Variants in ADGRV1 observed in about 807,000 individuals in gnomAD.
ADGRV1 encodes adhesion G protein-coupled receptor V1, also known as G-protein coupled receptor 98.
Under a neutral mutation model 596.2 loss-of-function variants are expected in ADGRV1, and 359 were observed. The ratio of observed to expected loss-of-function variants is 0.60; its 90% CI spans 0.55 to 0.66. The LOEUF (loss-of-function observed/expected upper bound fraction) is 0.66. ADGRV1 is among the 30% of genes least tolerant of loss of function. The pLI is 0.00. For synonymous variants in ADGRV1, 2,681 were observed against 2,679.2 expected, an observed-to-expected ratio of 1.00 and a Z score of -0.02; for missense variants, 7,274 against 7,575.6, an observed-to-expected ratio of 0.96 and a Z score of 1.48.
chr5:90,719,823 T>G (rs987469426), intron 43 of ADGRV1, among the ~76,000 whole-genome samples: 2 of 152,206 alleles, frequency 1.3e-5, no homozygotes, highest in African/African-American at 4.8e-5. Context: ...GCACTAAATA[T>G]TTTTTGGACA....
chr5:90,867,246 A>G (rs990068812), intron 83 of ADGRV1, among the ~76,000 whole-genome samples: 3 of 152,186 alleles, frequency 2.0e-5, no homozygotes, highest in Non-Finnish European at 4.4e-5. Flanking sequence ...TACTCTGATT[A>G]ATAATACTTA....
intron 6 of ADGRV1, 141 bp downstream of exon 6, chr5:90,625,384 TCTTA>T (rs1764607625): frequency 1.9e-6 from 1 of 519,884 alleles, no homozygotes; most frequent in Admixed American, 3.5e-5. Context: ...TTACTATTTA[TCTTA>T]CTTAATTCAC....
At chr5:90,947,115 G>A (rs963195458) in intron 83 of ADGRV1, among the ~76,000 whole-genome samples, 2 of 152,092 alleles carry the variant, frequency 1.3e-5, no homozygotes, top group African/African-American at 4.8e-5. Context: ...CAGTGCAAAA[G>A]TGTTCATATT....
chr5:91,073,069 T>C (rs1275565346), intron 86 of ADGRV1, among the ~76,000 whole-genome samples: 1 of 152,192 alleles, frequency 6.6e-6, no homozygotes, highest in South Asian at 2.1e-4. Flanking sequence ...TGGCTACACA[T>C]GTCTGGTTAC....
intron 70 of ADGRV1, among the ~76,000 whole-genome samples, chr5:90,797,386 G>C (rs551706624): frequency 1.3e-5 from 2 of 150,762 alleles, no homozygotes; most frequent in African/African-American, 4.9e-5. Flanking sequence ...AAGAAGGCCA[G>C]TACATAATGG....
intron 1 of ADGRV1, among the ~76,000 whole-genome samples, chr5:90,582,687 C>T (rs1166070285): frequency 6.6e-6 from 1 of 152,088 alleles, no homozygotes; most frequent in Non-Finnish European, 1.5e-5. Context: ...GCCTCATTCT[C>T]CCAAGTAGCT....
At chr5:90,752,740 A>G (rs1459318629) in intron 53 of ADGRV1, among the ~76,000 whole-genome samples, 1 of 152,212 alleles carries the variant, frequency 6.6e-6, no homozygotes. Flanking sequence ...TGATAAATAC[A>G]CATGCATATG....
intron 23 of ADGRV1, among the ~76,000 whole-genome samples, chr5:90,674,861 C>T (rs1056373719): frequency 6.6e-6 from 1 of 151,916 alleles, no homozygotes; most frequent in Non-Finnish European, 1.5e-5. Flanking sequence ...TGTTGCAACT[C>T]CTTTAAGGTG....
At chr5:90,736,542 T>C (rs1195173246) in intron 50 of ADGRV1, among the ~76,000 whole-genome samples, 1 of 152,048 alleles carries the variant, frequency 6.6e-6, no homozygotes, top group Non-Finnish European at 1.5e-5. Flanking sequence ...TTAAGAAGGA[T>C]TGGTATTTGC....
At chr5:91,105,868 G>C (rs144220535) in intron 87 of ADGRV1, among the ~76,000 whole-genome samples, 104 of 151,538 alleles carry the variant, frequency 6.9e-4, no homozygotes, top group African/African-American at 2.3e-3. Context: ...TAGAACATTG[G>C]TCTAGGGAAA....
chr5:90,675,431 C>T lies in ADGRV1; in HGVS notation c.5299C>T (p.Pro1767Ser), dbSNP rs1264672967. The change falls in exon 24 of 90, where the codon CCT becomes TCT. Residue 1767 changes from proline to serine, a missense_variant. By Grantham distance (74) the Pro-to-Ser change is moderately conservative. Around this residue, in one of 5 missense-constraint regions of ADGRV1, gnomAD observed 3,643 missense variants for 3,809.2 expected, o/e 0.96. Coordinates refer to ENST00000405460, the MANE Select transcript of ADGRV1 (RefSeq NM_032119.4). ...AACAGTGTCCTTGACAGCATTCAGTCCTGAGGATTACCAGGTAATTTACTC... is the reference window on the plus strand; with the variant it reads ...AACAGTGTCCTTGACAGCATTCAGTTCTGAGGATTACCAGGTAATTTACTC... ...FRTVSLTAFS[P>S]EDYQNVAGTL... 1.9e-6 allele frequency: 3 copies of T among 1,613,074 alleles called. No individual in the cohort carries two copies. In the African/African-American group the frequency reaches 4.0e-5, roughly 22 times the overall value.
chr5:90,763,267 T>C, intron 58 of ADGRV1, 38 bp from the exon 59 acceptor site: 1 of 1,425,208 alleles, frequency 7.0e-7, no homozygotes, highest in Non-Finnish European at 9.3e-7. Flanking sequence ...CTTTTTGTTT[T>C]TTTTTTTGTT....
chr5:91,143,510 C>G (rs768988922), intron 87 of ADGRV1, among the ~76,000 whole-genome samples: 1 of 152,210 alleles, frequency 6.6e-6, no homozygotes, highest in Non-Finnish European at 1.5e-5. Context: ...CTGCTCAGCT[C>G]TCAGCAGAGA....
At chr5:90,909,819 T>A (rs1446247650) in intron 83 of ADGRV1, among the ~76,000 whole-genome samples, 4 of 152,212 alleles carry the variant, frequency 2.6e-5, no homozygotes, top group African/African-American at 9.6e-5. Flanking sequence ...TCAGTGTGTT[T>A]CTATCTTTAA....
rs180868555 is a variant in ADGRV1 at position 90,697,212 on chromosome 5, C to A, written c.8155+66C>A. 6 of 1,375,288 alleles carry A rather than the reference C, an allele frequency of 4.4e-6. No homozygotes were observed. The Admixed American group carries it at 1.2e-4, about 27-fold the overall frequency. 85.2% of individuals were successfully genotyped at this position (1,375,288 alleles called of 1,614,324 possible). On this transcript the variant is annotated intron_variant, in intron 34 of 89. Transcript: ENST00000405460. ...TATGGATGTTGTCTTTTGTCTAGTTCTTTAAAACTTGATAGTTTTTCCCTT... is the reference window on the plus strand; with the variant it reads ...TATGGATGTTGTCTTTTGTCTAGTTATTTAAAACTTGATAGTTTTTCCCTT...
At chr5:90,824,399 T>C (rs746757954) in intron 76 of ADGRV1, among the ~76,000 whole-genome samples, 3 of 152,258 alleles carry the variant, frequency 2.0e-5, no homozygotes, top group Non-Finnish European at 2.9e-5. Context: ...GAGATCTATA[T>C]GTATGTACTA....
intron 87 of ADGRV1, among the ~76,000 whole-genome samples, chr5:91,116,770 C>T (rs973461525): frequency 6.6e-6 from 1 of 152,128 alleles, no homozygotes; most frequent in African/African-American, 2.4e-5. Context: ...CAGTACCATA[C>T]TGTCAGTCTT....
Position 90,629,255 on chromosome 5 carries a change from A to G in ADGRV1, c.1555A>G (p.Thr519Ala). ...QDSDDVYGLITFFPMENQKIE... is the reference protein window; with the variant it reads ...QDSDDVYGLIAFFPMENQKIE... ...TAGTGATGATGTCTATGGCCTAATAACATTTTTTCCTATGGAAAACCAGAA... is the reference window on the plus strand; with the variant it reads ...TAGTGATGATGTCTATGGCCTAATAGCATTTTTTCCTATGGAAAACCAGAA... The change falls in exon 9 of 90, where the codon ACA becomes GCA. Residue 519 changes from threonine to alanine, a missense_variant. Thr to Ala is a moderately conservative substitution (Grantham distance 58). This residue lies in a region of ADGRV1 where 1,715 missense variants were observed against 1,708.8 expected (regional missense o/e 1.00). Transcript: ENST00000405460. 1 of 1,611,406 alleles carries G rather than the reference A, an allele frequency of 6.2e-7. No individual in the cohort carries two copies. The highest frequency in any genetic ancestry group is 8.5e-7 in the Non-Finnish European group (1 of 1,178,696).
At chr5:90,861,811 A>G (rs1022092582) in intron 82 of ADGRV1, among the ~76,000 whole-genome samples, 2 of 152,162 alleles carry the variant, frequency 1.3e-5, no homozygotes, top group African/African-American at 4.8e-5. Flanking sequence ...TGTCTTAGAA[A>G]CCTGATAATT....
Sources: allele counts gnomAD v4.1 joint callset (sites outside exome capture counted in the v4.1 genomes callset), GRCh38; gene constraint gnomAD v4.1.1; regional missense constraint gnomAD v4.1.1; transcripts MANE v1.5; gene names NCBI Gene and HGNC (gene_info 2026-07-23, HGNC 2026-07-21).